Variants in TMCO1 observed in about 807,000 individuals in gnomAD.
TMCO1 encodes transmembrane and coiled-coil domains 1.
TMCO1 carries 29 observed loss-of-function variants against 29.3 expected under a neutral mutation model. The observed-to-expected ratio is 0.99, with a 90% CI of 0.74 to 1.35. The LOEUF is 1.35. Ranked by LOEUF, TMCO1 falls within the 40% of genes most tolerant of loss-of-function variation. The pLI is 0.00. For missense variants in TMCO1, 173 were observed against 225.5 expected (o/e 0.77, Z 1.49); for synonymous variants, 80 against 77.1 (o/e 1.04, Z -0.20).
chr1:165,761,011 C>T (rs12095440), intron 2 of TMCO1, among the ~76,000 whole-genome samples: 5,653 of 152,022 alleles, frequency 0.037, 322 homozygotes, highest in African/African-American at 0.13. Flanking sequence ...AGAGAATTAG[C>T]GGGTAGAACT....
chr1:165,759,872 C>T (rs1652335658), intron 2 of TMCO1, among the ~76,000 whole-genome samples: 1 of 152,248 alleles, frequency 6.6e-6, no homozygotes, highest in South Asian at 2.1e-4. Flanking sequence ...AGGATGATTA[C>T]CTTAGCTAGT....
At chr1:165,729,052 C>T (rs1651016646) in intron 6 of TMCO1, among the ~76,000 whole-genome samples, 1 of 147,218 alleles carries the variant, frequency 6.8e-6, no homozygotes, top group Admixed American at 7.0e-5. Flanking sequence ...GCTGCGTGAG[C>T]CAAGACTGCA....
chr1:165,744,579 G>T (rs954402757), intron 5 of TMCO1, among the ~76,000 whole-genome samples: 3 of 152,080 alleles, frequency 2.0e-5, no homozygotes, highest in Non-Finnish European at 4.4e-5. Flanking sequence ...ATCACCTGAG[G>T]TTGGGAGTTC....
At chr1:165,754,142 A>C (rs917052358) in intron 4 of TMCO1, 86 bp downstream of exon 4, 1 of 1,126,878 alleles carries the variant, frequency 8.9e-7, no homozygotes, top group African/African-American at 1.5e-5. Flanking sequence ...ATTTCTGAAA[A>C]GGTGAGTGCA....
intron 5 of TMCO1, among the ~76,000 whole-genome samples, chr1:165,748,319 T>G (rs1651875072): frequency 6.6e-6 from 1 of 152,102 alleles, no homozygotes; most frequent in Non-Finnish European, 1.5e-5. Flanking sequence ...AGGAGACACC[T>G]GAGGGAGCGA....
At chr1:165,728,233 T>C (rs1571206478) in intron 6 of TMCO1, 112 bp from the exon 7 acceptor site, 4 of 770,672 alleles carry the variant, frequency 5.2e-6, no homozygotes, top group Non-Finnish European at 6.6e-6. Flanking sequence ...AAAGGAACCA[T>C]TATGACCTGC....
chr1:165,727,219 A>C lies in TMCO1; in HGVS notation c.*804T>G. On this transcript the variant is annotated 3_prime_UTR_variant, in exon 7 of 7. Coordinates refer to ENST00000367881, the MANE Select transcript of TMCO1 (RefSeq NM_019026.6). ...CCAAGGGAGATCTAAGAGTGCCCCC[A>C]CAAGAATCTGAGAGACTGTAATAGG... 6.6e-6 allele frequency: 3 copies of C among 453,990 alleles called. No individual in the cohort carries two copies. Among genetic ancestry groups the C allele is most frequent in the South Asian group, 4.7e-5 (3 of 64,466 alleles). 28.1% of individuals were successfully genotyped at this position (453,990 alleles called of 1,614,324 possible).
chr1:165,730,616 A>G (rs997836754), intron 6 of TMCO1, among the ~76,000 whole-genome samples: 1 of 152,160 alleles, frequency 6.6e-6, no homozygotes, highest in Non-Finnish European at 1.5e-5. Flanking sequence ...TTTTTCTGAG[A>G]CGTGGTCTTG....
intron 5 of TMCO1, among the ~76,000 whole-genome samples, chr1:165,749,810 T>C (rs1651932802): frequency 6.6e-6 from 1 of 152,062 alleles, no homozygotes. Context: ...ATAGCCTCTA[T>C]ATGTAAAAAA....
At chr1:165,766,992 C>G (rs530899497) in intron 2 of TMCO1, among the ~76,000 whole-genome samples, 1 of 152,202 alleles carries the variant, frequency 6.6e-6, no homozygotes, top group South Asian at 2.1e-4. Flanking sequence ...GGTACATAAT[C>G]AACACTGAGT....
downstream of TMCO1, chr1:165,726,442 C>G (rs1188454252): frequency 1.7e-6 from 1 of 585,948 alleles, no homozygotes; most frequent in Non-Finnish European, 3.2e-6. Flanking sequence ...ACCACATACC[C>G]ATGAGGAGGC....
At chr1:165,736,626 C>T (rs1651398274) in intron 6 of TMCO1, among the ~76,000 whole-genome samples, 1 of 150,218 alleles carries the variant, frequency 6.7e-6, no homozygotes, top group African/African-American at 2.5e-5. Context: ...GAGGCTGAGA[C>T]AGGAGAATCA....
chr1:165,745,066 G>C lies in TMCO1; in HGVS notation c.324-1755C>G, dbSNP rs536190102. Reference sequence around the variant, plus strand: ...CACAGGGTCTCGCTCTGTCATTCAGGCTGGAATGCAGTGGTGCAATCATGG... The same window carrying C: ...CACAGGGTCTCGCTCTGTCATTCAGCCTGGAATGCAGTGGTGCAATCATGG... On this transcript the variant is annotated intron_variant, in intron 5 of 6. Coordinates refer to ENST00000367881, the MANE Select transcript of TMCO1 (RefSeq NM_019026.6). Among the ~76,000 whole-genome samples the C allele has an allele frequency of 1.7e-3, 264 of 152,088 alleles. 5 individuals carry two copies. The highest frequency in any genetic ancestry group is 6.2e-3 in the African/African-American group (256 of 41,498).
In TMCO1 at chr1:165,730,096, C is replaced by T. The variant is rs1004772483; in HGVS notation, c.469-1975G>A. Among the ~76,000 whole-genome samples the T allele has an allele frequency of 2.0e-5, 3 of 148,054 alleles. No individual in the cohort carries two copies. In the South Asian group the frequency reaches 6.4e-4, roughly 32 times the overall value. ...CAGCACTTTGGGAGGCCGAGGCGGG[C>T]GGATCACGAGGTCAGGAGATCGAGA... On this transcript the variant is annotated intron_variant, in intron 6 of 6. Transcript: ENST00000367881.
downstream of TMCO1, chr1:165,724,301 A>T: frequency 6.8e-6 from 3 of 441,448 alleles, no homozygotes; most frequent in Non-Finnish European, 1.3e-5. Context: ...TTAGAATACC[A>T]TCACTTTTAA....
At chr1:165,761,169 A>ATT (rs35848504) in intron 2 of TMCO1, among the ~76,000 whole-genome samples, 1 of 138,230 alleles carries the variant, frequency 7.2e-6, no homozygotes, top group Non-Finnish European at 1.6e-5. Flanking sequence ...TGTTTTGTGT[A>ATT]TTTGTGTGTG....
At chr1:165,742,463 A>T (rs969513913) in intron 6 of TMCO1, among the ~76,000 whole-genome samples, 1 of 152,170 alleles carries the variant, frequency 6.6e-6, no homozygotes, top group Non-Finnish European at 1.5e-5. Flanking sequence ...GAATCTCACA[A>T]TGTTGCCTAG....
chr1:165,742,930 AG>A (rs2101798329), intron 6 of TMCO1, among the ~76,000 whole-genome samples: 1 of 152,324 alleles, frequency 6.6e-6, no homozygotes, highest in Admixed American at 6.5e-5. Context: ...GAGAGCTCTA[AG>A]AATGGGATGT....
intron 3 of TMCO1, among the ~76,000 whole-genome samples, chr1:165,758,690 T>C (rs1470136371): frequency 6.6e-6 from 1 of 152,226 alleles, no homozygotes; most frequent in African/African-American, 2.4e-5. Context: ...AGAATCTTTT[T>C]CTACTTTGTT....
Sources: allele counts gnomAD v4.1 joint callset (sites outside exome capture counted in the v4.1 genomes callset), GRCh38; gene constraint gnomAD v4.1.1; transcripts MANE v1.5; gene names NCBI Gene and HGNC (gene_info 2026-07-23, HGNC 2026-07-21).